Variants in LRP2 observed in about 807,000 individuals in gnomAD.
The protein encoded by LRP2 is low-density lipoprotein receptor-related protein 2.
In LRP2, 172 loss-of-function variants were observed where a neutral mutation model predicts 531.0. The observed-to-expected ratio is 0.32, with a 90% CI of 0.29 to 0.37. The LOEUF (loss-of-function observed/expected upper bound fraction) is 0.37. Ranked by LOEUF, LRP2 falls within the 10% of genes least tolerant of loss-of-function variation. LRP2 has a pLI of 1.00. For synonymous variants in LRP2, 1,992 were observed against 2,027.6 expected, an observed-to-expected ratio of 0.98 and a Z score of 0.47; for missense variants, 5,167 against 5,868.3, an observed-to-expected ratio of 0.88 and a Z score of 3.90.
intron 7 of LRP2, 44 bp from the exon 8 acceptor site, chr2:169,291,041 C>T (rs1357976669): frequency 2.5e-6 from 4 of 1,584,508 alleles, no homozygotes; most frequent in Non-Finnish European, 3.5e-6. Context: ...AGGGGAGGTA[C>T]AGCCAGCTCT....
At chr2:169,216,505 T>C (rs985432945) in intron 34 of LRP2, 75 bp from the exon 35 acceptor site, 9 of 1,428,134 alleles carry the variant, frequency 6.3e-6, no homozygotes, top group Non-Finnish European at 8.9e-6. Flanking sequence ...TGACAATGTG[T>C]ATTACTTGTC....
rs376337187 is a variant in LRP2 at position 169,311,675 on chromosome 2, T to C, written c.311-4278A>G. On this transcript the variant is annotated intron_variant, in intron 3 of 78. Transcript: ENST00000649046. ...GTGGTGCTGAGAGGAATGTATATTC[T>C]GTTGATTTGGGGTGGAGAGTTCTGT... 4.6e-5 allele frequency among the ~76,000 whole-genome samples: 7 copies of C among 152,358 alleles called. 1 individual carries two copies. Among genetic ancestry groups the C allele is most frequent in the Admixed American group, 4.6e-4 (7 of 15,306 alleles).
chr2:169,193,436 A>G (rs562509524), intron 47 of LRP2, among the ~76,000 whole-genome samples: 170 of 150,834 alleles, frequency 1.1e-3, no homozygotes, highest in African/African-American at 3.6e-3. Flanking sequence ...GTCAAAAAAA[A>G]AAAAAAAGAA....
intron 21 of LRP2, among the ~76,000 whole-genome samples, chr2:169,246,418 A>G (rs1690006416): frequency 6.6e-6 from 1 of 151,936 alleles, no homozygotes. Flanking sequence ...TTTCGATTTG[A>G]CTTTTTGAGG....
At chr2:169,200,070 G>A (rs1559011530) in intron 44 of LRP2, among the ~76,000 whole-genome samples, 1 of 152,092 alleles carries the variant, frequency 6.6e-6, no homozygotes, top group South Asian at 2.1e-4. Flanking sequence ...CTAACATGGT[G>A]AAACCTCGTC....
chr2:169,270,765 A>G (rs1481032825), intron 16 of LRP2, 139 bp downstream of exon 16: 2 of 315,244 alleles, frequency 6.3e-6, no homozygotes, highest in Non-Finnish European at 1.1e-5. Flanking sequence ...AGTATAAATA[A>G]ATAAATAAAT....
rs1689887077 is a variant in LRP2 at position 169,243,464 on chromosome 2, G to A, written c.3489C>T (p.Asp1163=). The A allele has an allele frequency of 6.2e-7, 1 of 1,614,096 alleles. No homozygotes were observed. The highest frequency in any genetic ancestry group is 1.7e-5 in the Admixed American group (1 of 60,020). Residue 1163 remains aspartate (D), a synonymous_variant, in exon 23 of 79, where the codon GAC becomes GAT. Coordinates refer to ENST00000649046, the MANE Select transcript of LRP2 (RefSeq NM_004525.3). ...TGTCACCATCACAGACAAACGATAG[G>A]TCAATACATCGATGATTGGGGCAAT... ...QFNCPNHRCI[D]LSFVCDGDKD...
At chr2:169,302,740 T>TG (rs1356478476) in intron 4 of LRP2, among the ~76,000 whole-genome samples, 5 of 82,348 alleles carry the variant, frequency 6.1e-5, no homozygotes, top group Middle Eastern at 4.6e-3. Context: ...ACAAGTGACC[T>TG]GGGTTTTTTT....
intron 1 of LRP2, among the ~76,000 whole-genome samples, chr2:169,361,944 CG>C (rs1559093136): frequency 6.6e-6 from 1 of 152,194 alleles, no homozygotes; most frequent in Non-Finnish European, 1.5e-5. Context: ...CCCGGGACCG[CG>C]CCGCCCAGCA....
chr2:169,327,101 C>T (rs1282127908), intron 1 of LRP2, among the ~76,000 whole-genome samples: 8 of 148,264 alleles, frequency 5.4e-5, no homozygotes, highest in South Asian at 2.2e-4. Context: ...GTCAGCCCCC[C>T]GCCCGGCCAG....
chr2:169,218,613 C>T (rs1688878658), intron 34 of LRP2, among the ~76,000 whole-genome samples: 1 of 152,096 alleles, frequency 6.6e-6, no homozygotes, highest in African/African-American at 2.4e-5. Flanking sequence ...CTCCACTTGC[C>T]AAAATTAATG....
chr2:169,185,056 C>T (rs930235853), intron 50 of LRP2, among the ~76,000 whole-genome samples: 28 of 152,250 alleles, frequency 1.8e-4, no homozygotes, highest in Admixed American at 1.7e-3. Context: ...CCACTGCCCC[C>T]GGCCAATGAC....
chr2:169,162,668 C>A, intron 62 of LRP2, 68 bp from the exon 63 acceptor site: 1 of 1,510,412 alleles, frequency 6.6e-7, no homozygotes, highest in Admixed American at 1.7e-5. Flanking sequence ...CCTTCTTTGA[C>A]AGAGACAGTT....
At chr2:169,180,983 C>T (rs1353088351) in intron 52 of LRP2, among the ~76,000 whole-genome samples, 2 of 152,198 alleles carry the variant, frequency 1.3e-5, no homozygotes, top group Non-Finnish European at 2.9e-5. Context: ...GACTCTACTG[C>T]CACCTAAAAC....
intron 72 of LRP2, among the ~76,000 whole-genome samples, chr2:169,139,882 A>T (rs960082996): frequency 7.2e-5 from 11 of 152,218 alleles, no homozygotes; most frequent in African/African-American, 1.9e-4. Flanking sequence ...AATCTATGCA[A>T]TGCTTCCTTA....
chr2:169,194,716 C>CTTTTTTTTTTTTTTTTTTT (rs869249150), intron 46 of LRP2, among the ~76,000 whole-genome samples: 1 of 102,988 alleles, frequency 9.7e-6, no homozygotes. Flanking sequence ...TTGATCCAGA[C>CTTTTTTTTTTTTTTTTTTT]TTTTTTTTTT....
chr2:169,127,124 A>G lies in LRP2; in HGVS notation c.*1539T>C, dbSNP rs1685126867. 6.6e-6 allele frequency: 1 copy of G among 152,630 alleles called. No individual in the cohort carries two copies. Among genetic ancestry groups the G allele is most frequent in the East Asian group, 1.9e-4 (1 of 5,198 alleles). The allele number at this position is 152,630 out of a possible 1,614,324, so 9.5% of individuals were successfully genotyped here. A position where few individuals can be genotyped will look rare whatever the true frequency, so the allele number is the denominator to read the frequency against. ...ACAGAAAACATCTGATAAAATACACATTTATTAGAACTTTTTCAGCAGCAT... is the reference window on the plus strand; with the variant it reads ...ACAGAAAACATCTGATAAAATACACGTTTATTAGAACTTTTTCAGCAGCAT... On this transcript the variant is annotated 3_prime_UTR_variant, in exon 79 of 79. Transcript: ENST00000649046.
rs77366165 is a variant in LRP2 at position 169,314,294 on chromosome 2, G to A, written c.310+4468C>T. Among the ~76,000 whole-genome samples the A allele has an allele frequency of 5.2e-3, 789 of 151,864 alleles. 20 individuals carry two copies. In the East Asian group the frequency reaches 0.079, roughly 15 times the overall value. On this transcript the variant is annotated intron_variant, in intron 3 of 78. Coordinates refer to ENST00000649046, the MANE Select transcript of LRP2 (RefSeq NM_004525.3). ...GGCTCACTTCCAAGTAGCTGTAGTC[G>A]TAGCTATTTGGAAGGCTGAGGTAGG...
At position 169,206,315 on chromosome 2, in the gene LRP2, C is replaced by T; in HGVS notation, c.7390+15G>A. 1.2e-6 allele frequency: 2 copies of T among 1,613,630 alleles called. No individual in the cohort carries two copies. Among genetic ancestry groups the T allele is most frequent in the South Asian group, 1.1e-5 (1 of 91,050 alleles). On this transcript the variant is annotated intron_variant, in intron 39 of 78. Coordinates refer to ENST00000649046, the MANE Select transcript of LRP2 (RefSeq NM_004525.3). ...TGTCTACTTGCAGGACAAGCAGCAC[C>T]TGGAGTGCACTTACCTGAAGCAATG...
Sources: allele counts gnomAD v4.1 joint callset (sites outside exome capture counted in the v4.1 genomes callset), GRCh38; gene constraint gnomAD v4.1.1; transcripts MANE v1.5; gene names NCBI Gene and HGNC (gene_info 2026-07-23, HGNC 2026-07-21).